The following DCHS2 variants were observed in gnomAD, a reference collection of about 807,000 sequenced individuals.
The protein encoded by DCHS2 is dachsous cadherin-related 2, also known as protocadherin-23.
Under a neutral mutation model 182.4 loss-of-function variants are expected in DCHS2, and 142 were observed. That is an observed-to-expected ratio of 0.78 (90% CI 0.68 to 0.89). DCHS2 has a LOEUF of 0.89. DCHS2 is among the 40% of genes least tolerant of loss of function. The probability of loss-of-function intolerance (pLI) is 0.00; values close to 1 mark genes in which losing one functional copy is unlikely to be tolerated. For synonymous variants in DCHS2, 1,740 were observed against 1,663.3 expected (o/e 1.05, Z -1.12); for missense variants, 4,319 against 4,198.6 (o/e 1.03, Z -0.79).
intron 13 of DCHS2, among the ~76,000 whole-genome samples, chr4:154,283,265 A>T (rs768662956): frequency 6.6e-6 from 1 of 152,158 alleles, no homozygotes; most frequent in Non-Finnish European, 1.5e-5. Context: ...TTTTTAAAAA[A>T]ATCACTCCTG....
In DCHS2 at chr4:154,320,820, T is replaced by C. The variant is rs774914259; in HGVS notation, c.4579A>G (p.Thr1527Ala). ...ISVEENVPIG[T>A]LVYVFNAKDD... ...TTGGCATTGAAGACATACACCAGGG[T>C]TCCTATGGGAACATTCTCCTCTACA... Residue 1527 changes from threonine (T) to alanine (A), a missense_variant, in exon 9 of 20, where the codon ACC becomes GCC. Coordinates refer to ENST00000357232, the MANE Select transcript of DCHS2 (RefSeq NM_001358235.2). 9 of 1,613,856 alleles carry C rather than the reference T, an allele frequency of 5.6e-6. No individual in the cohort carries two copies. Among genetic ancestry groups the C allele is most frequent in the East Asian group, 2.2e-5 (1 of 44,878 alleles).
intron 16 of DCHS2, among the ~76,000 whole-genome samples, chr4:154,249,710 C>G (rs970865819): frequency 1.3e-4 from 20 of 152,004 alleles, no homozygotes; most frequent in African/African-American, 4.8e-4. Context: ...ATCTATGCAG[C>G]CATAAAAAAG....
chr4:154,368,193 C>T (rs764534514), intron 2 of DCHS2, among the ~76,000 whole-genome samples: 23 of 152,102 alleles, frequency 1.5e-4, no homozygotes, highest in Non-Finnish European at 2.4e-4. Flanking sequence ...CCAGGTTCGA[C>T]GTAGTAAGAG....
rs745969384 is a variant in DCHS2 at position 154,333,168 on chromosome 4, T to G, written c.3040A>C (p.Ile1014Leu). Residue 1014 changes from isoleucine to leucine, a missense_variant, in exon 5 of 20, where the codon ATC (isoleucine) becomes CTC (leucine). Coordinates refer to ENST00000357232, the MANE Select transcript of DCHS2 (RefSeq NM_001358235.2). ...EDRDSGRNGL[I>L]RYSIASPQPG... ...TGCGGGCTGGCGATGGAGTACCGGA[T>G]GAGTCCGTTCCGCCCACTGTCTCTG... 2 of 1,614,200 alleles carry G rather than the reference T, an allele frequency of 1.2e-6. No individual in the cohort carries two copies. Among genetic ancestry groups the G allele is most frequent in the South Asian group, 2.2e-5 (2 of 91,080 alleles).
chr4:154,431,886 C>A (rs1410693349), intron 1 of DCHS2, among the ~76,000 whole-genome samples: 1 of 152,108 alleles, frequency 6.6e-6, no homozygotes, highest in Non-Finnish European at 1.5e-5. Flanking sequence ...TTCCAATGAA[C>A]ATTTAAAAAA....
chr4:154,240,912 C>T lies in DCHS2; in HGVS notation c.7073-89G>A, dbSNP rs78449203. The T allele has an allele frequency of 4.9e-5, 73 of 1,500,016 alleles. No individual in the cohort carries two copies. In the East Asian group the frequency reaches 1.8e-3, roughly 36 times the overall value. The allele number at this position is 1,500,016 out of a possible 1,614,324, so 92.9% of individuals were successfully genotyped here. A position where few individuals can be genotyped will look rare whatever the true frequency, so the allele number is the denominator to read the frequency against. ...GTAGTTCCATCCAAGTATTTTTATTCTAAGTCCAATATGATTTGCTCTTTC... is the reference window on the plus strand; with the variant it reads ...GTAGTTCCATCCAAGTATTTTTATTTTAAGTCCAATATGATTTGCTCTTTC... On this transcript the variant is annotated intron_variant, in intron 17 of 19. Coordinates refer to ENST00000357232, the MANE Select transcript of DCHS2 (RefSeq NM_001358235.2).
At chr4:154,334,687 A>T in intron 4 of DCHS2, 181 bp downstream of exon 4, 1 of 563,482 alleles carries the variant, frequency 1.8e-6, no homozygotes, top group South Asian at 2.6e-5. Context: ...TCAGAAAAAA[A>T]ATTGTGGGAT....
At chr4:154,360,182 C>A (rs1346559085) in intron 3 of DCHS2, among the ~76,000 whole-genome samples, 2 of 151,952 alleles carry the variant, frequency 1.3e-5, no homozygotes, top group Non-Finnish European at 2.9e-5. Flanking sequence ...GGCAATATTA[C>A]ATATGGAAAA....
intron 1 of DCHS2, among the ~76,000 whole-genome samples, chr4:154,433,319 C>T (rs533996310): frequency 6.6e-6 from 1 of 151,878 alleles, no homozygotes; most frequent in Admixed American, 6.6e-5. Flanking sequence ...GGGACCATGG[C>T]CCTGCCAAGT....
chr4:154,271,839 G>A (rs888749443), intron 13 of DCHS2, among the ~76,000 whole-genome samples: 1 of 152,012 alleles, frequency 6.6e-6, no homozygotes, highest in Non-Finnish European at 1.5e-5. Context: ...TATATACACT[G>A]TGTAATCAGT....
At chr4:154,288,052 T>A (rs1284549084) in intron 13 of DCHS2, among the ~76,000 whole-genome samples, 1 of 151,996 alleles carries the variant, frequency 6.6e-6, no homozygotes, top group African/African-American at 2.4e-5. Context: ...AATAACAAAA[T>A]GGCAGGAGTA....
At chr4:154,267,425 C>A (rs1016896947) in intron 14 of DCHS2, among the ~76,000 whole-genome samples, 4 of 152,040 alleles carry the variant, frequency 2.6e-5, no homozygotes, top group African/African-American at 9.7e-5. Context: ...TTTCCTCATC[C>A]AAGTATTTTT....
chr4:154,327,977 C>A, intron 7 of DCHS2, 116 bp downstream of exon 7: 1 of 597,774 alleles, frequency 1.7e-6, no homozygotes, highest in Non-Finnish European at 2.6e-6. Context: ...TTTTTCAAAA[C>A]TAACTACAGC....
At chr4:154,459,299 T>C (rs768180299) in intron 1 of DCHS2, among the ~76,000 whole-genome samples, 4 of 152,068 alleles carry the variant, frequency 2.6e-5, no homozygotes, top group Non-Finnish European at 5.9e-5. Context: ...AAGGTTAGGA[T>C]TGAAGCATTT....
chr4:154,302,896 G>A (rs1244768981), intron 12 of DCHS2, among the ~76,000 whole-genome samples: 1 of 134,906 alleles, frequency 7.4e-6, no homozygotes, highest in Non-Finnish European at 1.6e-5. Flanking sequence ...ATATATATAC[G>A]TGTATATATA....
At chr4:154,405,623 T>C (rs1732368742) in intron 1 of DCHS2, among the ~76,000 whole-genome samples, 1 of 152,198 alleles carries the variant, frequency 6.6e-6, no homozygotes, top group Non-Finnish European at 1.5e-5. Flanking sequence ...ATTTCAGATA[T>C]TATCCTTTTC....
At chr4:154,387,197 A>T (rs940687021) in intron 1 of DCHS2, among the ~76,000 whole-genome samples, 1 of 152,220 alleles carries the variant, frequency 6.6e-6, no homozygotes, top group Non-Finnish European at 1.5e-5. Context: ...GCAACCACGA[A>T]TTCTACTACT....
intron 1 of DCHS2, among the ~76,000 whole-genome samples, chr4:154,480,377 G>T (rs1337138898): frequency 6.6e-6 from 1 of 152,194 alleles, no homozygotes; most frequent in Non-Finnish European, 1.5e-5. Context: ...GCTTTGAAAA[G>T]TTGGAGGACG....
chr4:154,248,256 A>G (rs547418768), intron 16 of DCHS2, among the ~76,000 whole-genome samples: 36 of 152,370 alleles, frequency 2.4e-4, no homozygotes, highest in Non-Finnish European at 4.7e-4. Flanking sequence ...TATAAACACT[A>G]ATTACTGATT....
Sources: allele counts gnomAD v4.1 joint callset (sites outside exome capture counted in the v4.1 genomes callset), GRCh38; gene constraint gnomAD v4.1.1; transcripts MANE v1.5; gene names NCBI Gene and HGNC (gene_info 2026-07-23, HGNC 2026-07-21).